Variants in WRN observed in about 807,000 individuals in gnomAD.
WRN encodes the protein WRN RecQ like helicase, also known as bifunctional 3'-5' exonuclease/ATP-dependent helicase WRN.
A neutral mutation model predicts 180.7 loss-of-function variants in WRN; 149 were observed. That is an observed-to-expected ratio of 0.82 (90% confidence interval 0.72 to 0.94). The LOEUF (loss-of-function observed/expected upper bound fraction) is 0.94, where lower values mean the gene tolerates loss of function less well. WRN is among the 40% of genes least tolerant of loss of function. WRN has a pLI of 0.00. For synonymous variants in WRN, 548 were observed against 568.9 expected, an observed-to-expected ratio of 0.96 and a Z score of 0.52; for missense variants, 1,661 against 1,700.1, an observed-to-expected ratio of 0.98 and a Z score of 0.40.
At chr8:31,090,614 C>G in intron 14 of WRN, 82 bp downstream of exon 14, 14 of 1,394,062 alleles carry the variant, frequency 1.0e-5, no homozygotes, top group Non-Finnish European at 1.4e-5. Context: ...TCATTAAACT[C>G]TCAAAATACA....
intron 32 of WRN, 62 bp downstream of exon 32, chr8:31,154,817 G>T (rs936250124): frequency 6.3e-7 from 1 of 1,596,624 alleles, no homozygotes; most frequent in Non-Finnish European, 8.6e-7. Context: ...TGTTTTATCA[G>T]CTTTTTAGTA....
Position 31,068,461 on chromosome 8 carries a change from G to A in WRN, c.724+134G>A, listed in dbSNP as rs139622047. On this transcript the variant is annotated intron_variant, in intron 7 of 34. Coordinates refer to ENST00000298139, the MANE Select transcript of WRN (RefSeq NM_000553.6). ...AATGTCTGAGCAGTCCTGACATTAG[G>A]GTGGGATCCATCAGGGCCCAAGATG... 5.1e-4 allele frequency: 370 copies of A among 725,016 alleles called. 1 individual carries two copies. In the African/African-American group the frequency reaches 6.1e-3, roughly 12 times the overall value. 44.9% of individuals were successfully genotyped at this position (725,016 alleles called of 1,614,324 possible).
intron 10 of WRN, among the ~76,000 whole-genome samples, chr8:31,084,160 G>A (rs1252217277): frequency 2.0e-5 from 3 of 151,950 alleles, no homozygotes; most frequent in African/African-American, 4.8e-5. Context: ...CACCATGCCC[G>A]GCTAATTTTT....
chr8:31,150,040 A>G (rs1803055778), intron 30 of WRN, among the ~76,000 whole-genome samples: 1 of 152,202 alleles, frequency 6.6e-6, no homozygotes, highest in Admixed American at 6.5e-5. Context: ...TAATAATAAA[A>G]TCAGTAATAA....
rs1804209579 is a variant in WRN at position 31,174,552 on chromosome 8, G to C, written c.*1450G>C. Among the ~76,000 whole-genome samples, 1 of 152,182 alleles carries C rather than the reference G, an allele frequency of 6.6e-6. No homozygotes were observed. Among genetic ancestry groups the C allele is most frequent in the Non-Finnish European group, 1.5e-5 (1 of 68,022 alleles). On this transcript the variant is annotated 3_prime_UTR_variant, in exon 35 of 35. Coordinates refer to ENST00000298139, the MANE Select transcript of WRN (RefSeq NM_000553.6). ...AACAACTGGTATTTGTTGTGCCAAT[G>C]ATAAAATTGGAGATTTCTAGCAAAA...
At chr8:31,035,956 C>G (rs58180979) in intron 1 of WRN, among the ~76,000 whole-genome samples, 2,770 of 152,206 alleles carry the variant, frequency 0.018, 64 homozygotes, top group African/African-American at 0.064. Flanking sequence ...CTCTCAAACC[C>G]TATGATATTC....
intron 21 of WRN, among the ~76,000 whole-genome samples, chr8:31,121,841 A>G (rs546622133): frequency 1.4e-4 from 22 of 152,130 alleles, no homozygotes; most frequent in African/African-American, 5.1e-4. Context: ...GTACATAACA[A>G]TTCTTGTTTT....
At position 31,091,889 on chromosome 8, in the gene WRN, A is replaced by G. The variant is rs779430282; in HGVS notation, c.1889A>G (p.Asp630Gly). 1.2e-6 allele frequency: 2 copies of G among 1,613,026 alleles called. No homozygotes were observed. Among genetic ancestry groups the G allele is most frequent in the South Asian group, 1.1e-5 (1 of 91,060 alleles). Reference protein sequence around the residue: ...GSAQSENVLTDIKLGKYRIVY... With the variant: ...GSAQSENVLTGIKLGKYRIVY... ...GCACAGTCAGAAAATGTTCTAACAG[A>G]TATTAAATTGTGAGTAATTTTTTTC... The change falls in exon 16 of 35, where the codon GAT becomes GGT. Residue 630 changes from aspartate (D) to glycine (G), a missense_variant. This residue lies in a region of WRN where 1,141 missense variants were observed against 1,149.4 expected (regional missense o/e 0.99). Coordinates refer to ENST00000298139, the MANE Select transcript of WRN (RefSeq NM_000553.6).
intron 28 of WRN, among the ~76,000 whole-genome samples, chr8:31,146,643 T>C (rs760527137): frequency 6.6e-6 from 1 of 152,192 alleles, no homozygotes; most frequent in Non-Finnish European, 1.5e-5. Flanking sequence ...TATGATGTTA[T>C]AGCAAGGATC....
At chr8:31,156,953 T>G (rs535447404) in intron 32 of WRN, among the ~76,000 whole-genome samples, 1 of 152,326 alleles carries the variant, frequency 6.6e-6, no homozygotes, top group South Asian at 2.1e-4. Context: ...TTTGTCTTCT[T>G]GGAAATTCAT....
At chr8:31,171,604 C>T in intron 34 of WRN, 1 of 152,232 alleles carries the variant, frequency 6.6e-6, no homozygotes, top group East Asian at 1.9e-4. Flanking sequence ...AAGTTGCAAT[C>T]TTAGCCAGTT....
chr8:31,165,259 A>G (rs1803808475), intron 33 of WRN, among the ~76,000 whole-genome samples: 1 of 152,054 alleles, frequency 6.6e-6, no homozygotes, highest in Non-Finnish European at 1.5e-5. Flanking sequence ...CATTTATAGT[A>G]TGAAGAAATT....
At chr8:31,036,378 AC>A (rs1472307364) in intron 1 of WRN, among the ~76,000 whole-genome samples, 1 of 152,176 alleles carries the variant, frequency 6.6e-6, no homozygotes, top group Non-Finnish European at 1.5e-5. Context: ...TTGAATATAT[AC>A]CCTGTAGTGG....
At position 31,151,836 on chromosome 8, in the gene WRN, TA is replaced by T. The variant is rs946784373; in HGVS notation, c.3687+1390del. ...ATTCTGCAAATTGAAATGAATTATT[TA>T]AAAAAAAACAACTTTAATGTTTATT... On this transcript the variant is annotated intron_variant, in intron 31 of 34. Transcript: ENST00000298139. Among the ~76,000 whole-genome samples the T allele has an allele frequency of 5.1e-4, 77 of 151,358 alleles. 1 individual carries two copies. Among genetic ancestry groups the T allele is most frequent in the African/African-American group, 1.2e-3 (48 of 41,262 alleles).
chr8:31,141,823 ATTTATGTGATTC>A (rs757395689), intron 26 of WRN, 48 bp downstream of exon 26: 4 of 1,550,662 alleles, frequency 2.6e-6, no homozygotes, highest in Non-Finnish European at 3.5e-6. Context: ...TTTTGTTGCT[ATTTATGTGATTC>A]AAATTATACC....
At position 31,081,090 on chromosome 8, in the gene WRN, G is replaced by A; in HGVS notation, c.1063G>A (p.Ala355Thr). Residue 355 changes from alanine (A) to threonine (T), a missense_variant, in exon 9 of 35, where the codon GCT (alanine) becomes ACT (threonine). Physicochemically the swap from Ala to Thr is moderately conservative, Grantham distance 58. Around this residue, in one of 3 missense-constraint regions of WRN, gnomAD observed 500 missense variants for 504.1 expected, o/e 0.99. Coordinates refer to ENST00000298139, the MANE Select transcript of WRN (RefSeq NM_000553.6). ...ATGGGACCCAACACTTGATCATTTA[G>A]CTAAACATGATGGAGAAGATGTACT... The part of the protein sequence containing the change: ...ETWDPTLDHL[A>T]KHDGEDVLGN... The A allele has an allele frequency of 1.2e-6, 2 of 1,614,016 alleles. No individual in the cohort carries two copies. The highest frequency in any genetic ancestry group is 1.7e-6 in the Non-Finnish European group (2 of 1,179,968).
intron 1 of WRN, among the ~76,000 whole-genome samples, chr8:31,057,358 C>T (rs943692560): frequency 6.6e-6 from 1 of 151,906 alleles, no homozygotes; most frequent in African/African-American, 2.4e-5. Context: ...ATCACGAGGT[C>T]AGGAGATTGA....
Position 31,064,963 on chromosome 8 carries a change from A to G in WRN, c.404A>G (p.Lys135Arg), listed in dbSNP as rs1563329896. The G allele has an allele frequency of 1.2e-6, 2 of 1,613,764 alleles. No homozygotes were observed. The highest frequency in any genetic ancestry group is 1.7e-6 in the Non-Finnish European group (2 of 1,179,798). The change falls in exon 5 of 35, where the codon AAG becomes AGG. Residue 135 changes from lysine to arginine, a missense_variant. Lys to Arg is a conservative substitution (Grantham distance 26). Transcript: ENST00000298139. The stretch of plus-strand genomic sequence containing the variant: ...TTGCTTGAAAATAAAGCAGTTAAAA[A>G]GGCAGGTGTAGGAATTGAAGGAGAT... Reference protein sequence around the residue: ...KMLLENKAVKKAGVGIEGDQW... With the variant: ...KMLLENKAVKRAGVGIEGDQW...
chr8:31,152,507 C>T (rs139506531), intron 31 of WRN, among the ~76,000 whole-genome samples: 112 of 151,294 alleles, frequency 7.4e-4, no homozygotes, highest in African/African-American at 2.5e-3. Flanking sequence ...CTTATTCCCT[C>T]GACTCGTGTA....
Sources: gnomAD v4.1 joint callset for allele counts (sites outside exome capture counted in the v4.1 genomes callset) on GRCh38, gnomAD v4.1.1 for gene constraint, gnomAD v4.1.1 regional missense constraint, MANE v1.5 for transcripts, NCBI Gene and HGNC (gene_info 2026-07-23, HGNC 2026-07-21) for gene names.